TPR: variants seen among roughly 807,000 people sequenced by gnomAD.
TPR encodes nucleoprotein TPR.
A neutral mutation model predicts 316.1 loss-of-function variants in TPR; 51 were observed. The ratio of observed to expected loss-of-function variants is 0.16; its 90% CI spans 0.13 to 0.20. The LOEUF (loss-of-function observed/expected upper bound fraction) is 0.20, where lower values mean the gene tolerates loss of function less well. Among genes scored for constraint, TPR ranks in the 10% least tolerant of loss-of-function variants. The pLI, the probability that TPR is intolerant of heterozygous loss-of-function variation, is 1.00. For synonymous variants in TPR, 981 were observed against 914.7 expected (o/e 1.07, Z -1.31); for missense variants, 2,272 against 2,754.8 (o/e 0.82, Z 3.92).
intron 12 of TPR, 114 bp downstream of exon 12, chr1:186,359,685 T>C (rs1659124333): frequency 4.9e-5 from 52 of 1,065,948 alleles, no homozygotes; most frequent in Non-Finnish European, 6.7e-5. Context: ...AATGTGTTTA[T>C]TGAAAATCGT....
At chr1:186,368,197 C>T (rs571471798) in intron 3 of TPR, among the ~76,000 whole-genome samples, 1 of 152,066 alleles carries the variant, frequency 6.6e-6, no homozygotes, top group Non-Finnish European at 1.5e-5. Context: ...GAAAATTTTT[C>T]TCATATCTCT....
At chr1:186,319,097 C>A (rs966035550) in intron 46 of TPR, among the ~76,000 whole-genome samples, 1 of 152,074 alleles carries the variant, frequency 6.6e-6, no homozygotes, top group Non-Finnish European at 1.5e-5. Flanking sequence ...CTCAAGTGAT[C>A]CTCCCACCTC....
In TPR at chr1:186,318,339, C is replaced by CA. The variant is rs370868634; in HGVS notation, c.6821+107dup. 2.8e-3 allele frequency: 3,368 copies of CA among 1,216,006 alleles called. 8 individuals are homozygous for CA. The highest frequency in any genetic ancestry group is 0.015 in the African/African-American group (943 of 62,980). The allele number at this position is 1,216,006 out of a possible 1,614,324, so 75.3% of individuals were successfully genotyped here. On this transcript the variant is annotated intron_variant, in intron 48 of 50. Transcript: ENST00000367478. ...CGAGACTCTGTCTCAAAAAAAAAAA[C>CA]AAAAAAAAACAAAACACAACTTTGC...
Position 186,312,130 on chromosome 1 carries a change from T to C in TPR, c.*1841A>G, listed in dbSNP as rs1311852731. ...TGTTTTCCACCTTTTCTGAGGGTATTAAAATTAATTTTCATTTTCCATGTG... is the reference window on the plus strand; with the variant it reads ...TGTTTTCCACCTTTTCTGAGGGTATCAAAATTAATTTTCATTTTCCATGTG... On this transcript the variant is annotated 3_prime_UTR_variant, in exon 51 of 51. Coordinates refer to ENST00000367478, the MANE Select transcript of TPR (RefSeq NM_003292.3). The C allele has an allele frequency of 1.3e-6, 2 of 1,566,582 alleles. No individual in the cohort carries two copies. Among genetic ancestry groups the C allele is most frequent in the East Asian group, 2.2e-5 (1 of 44,484 alleles).
intron 38 of TPR, 43 bp downstream of exon 38, chr1:186,332,152 T>C (rs1229638473): frequency 6.3e-7 from 1 of 1,576,154 alleles, no homozygotes. Context: ...GTACCTTAAC[T>C]CTACTGGTAA....
intron 21 of TPR, among the ~76,000 whole-genome samples, chr1:186,349,489 T>TA (rs551272495): frequency 0.047 from 6,724 of 143,024 alleles, 487 homozygotes; most frequent in African/African-American, 0.16. Context: ...CCATCTCTAC[T>TA]AAAAAAAAAA....
intron 23 of TPR, among the ~76,000 whole-genome samples, 197 bp from the exon 24 acceptor site, chr1:186,345,893 G>C (rs887610162): frequency 1.3e-5 from 2 of 152,084 alleles, no homozygotes; most frequent in Admixed American, 1.3e-4. Flanking sequence ...ATTTGCATAA[G>C]TCAAGTCTCA....
At chr1:186,368,151 A>C (rs972695675) in intron 3 of TPR, among the ~76,000 whole-genome samples, 169 bp from the exon 4 acceptor site, 2 of 152,182 alleles carry the variant, frequency 1.3e-5, no homozygotes, top group Non-Finnish European at 2.9e-5. Context: ...TTTCTATTTA[A>C]ATTTTGGATT....
At chr1:186,343,830 T>C in intron 26 of TPR, 76 bp downstream of exon 26, 1 of 1,255,696 alleles carries the variant, frequency 8.0e-7, no homozygotes. Context: ...ATAATCTCCT[T>C]CTCTAATTTA....
intron 27 of TPR, 64 bp downstream of exon 27, chr1:186,343,262 G>C (rs1349073572): frequency 1.5e-5 from 23 of 1,535,734 alleles, no homozygotes; most frequent in Admixed American, 2.1e-5. Flanking sequence ...TTAAATGGTA[G>C]AGATATAAAT....
intron 41 of TPR, 79 bp from the exon 42 acceptor site, chr1:186,325,933 C>A: frequency 6.4e-7 from 1 of 1,558,030 alleles, no homozygotes; most frequent in Non-Finnish European, 8.7e-7. Context: ...TTAACCAAAC[C>A]AAACCACAAC....
At chr1:186,367,780 A>G (rs1391052888) in intron 4 of TPR, 106 bp downstream of exon 4, 9 of 709,074 alleles carry the variant, frequency 1.3e-5, no homozygotes, top group Admixed American at 1.1e-4. Context: ...ATACTCAACC[A>G]TAACAAAAAA....
intron 18 of TPR, among the ~76,000 whole-genome samples, chr1:186,352,493 C>T (rs1658893765): frequency 6.6e-6 from 1 of 152,122 alleles, no homozygotes. Context: ...TTTCAAAGTA[C>T]CTGTTTAAAA....
chr1:186,361,355 T>C (rs181861799), intron 9 of TPR, among the ~76,000 whole-genome samples: 1 of 151,910 alleles, frequency 6.6e-6, no homozygotes, highest in East Asian at 1.9e-4. Context: ...AAAAGAAAAC[T>C]TTCTCATTAG....
rs1298584125 is a variant in TPR at position 186,323,676 on chromosome 1, C to T, written c.6297+10G>A. 3 of 1,469,586 alleles carry T rather than the reference C, an allele frequency of 2.0e-6. No homozygotes were observed. The East Asian group carries it at 8.2e-5, about 40-fold the overall frequency. 91.0% of individuals were successfully genotyped at this position (1,469,586 alleles called of 1,614,324 possible). The stretch of plus-strand genomic sequence containing the variant: ...AGTTCATTTTTCATAATGACCAGTA[C>T]TTTTAATACCTGAACTGGTGGTCCC... On this transcript the variant is annotated intron_variant, in intron 43 of 50. Coordinates refer to ENST00000367478, the MANE Select transcript of TPR (RefSeq NM_003292.3).
intron 4 of TPR, among the ~76,000 whole-genome samples, chr1:186,365,996 A>C (rs1324274558): frequency 1.3e-5 from 2 of 152,230 alleles, no homozygotes; most frequent in Non-Finnish European, 2.9e-5. Context: ...GTAACAGACT[A>C]TCTGGTGGAA....
intron 2 of TPR, among the ~76,000 whole-genome samples, chr1:186,371,344 A>C (rs1478211428): frequency 6.6e-6 from 1 of 152,206 alleles, no homozygotes; most frequent in Admixed American, 6.5e-5. Context: ...TTCTAAGTCA[A>C]CATATATCAT....
chr1:186,340,371 GT>G (rs1341361733), intron 29 of TPR, among the ~76,000 whole-genome samples: 4 of 151,914 alleles, frequency 2.6e-5, no homozygotes, highest in Non-Finnish European at 4.4e-5. Flanking sequence ...CCCTAAAAAC[GT>G]TCCAGTGAAC....
chr1:186,372,525 C>G (rs1402978130), intron 2 of TPR, among the ~76,000 whole-genome samples: 1 of 151,620 alleles, frequency 6.6e-6, no homozygotes, highest in Admixed American at 6.6e-5. Flanking sequence ...CTGGGCAACA[C>G]AGTGAGACTC....
Sources: allele counts gnomAD v4.1 joint callset (sites outside exome capture counted in the v4.1 genomes callset), GRCh38; gene constraint gnomAD v4.1.1; transcripts MANE v1.5; gene names NCBI Gene and HGNC (gene_info 2026-07-23, HGNC 2026-07-21).